The following A1CF variants were observed in gnomAD, a reference collection of about 807,000 sequenced individuals.
The protein encoded by A1CF is APOBEC-1 stimulating protein.
A1CF carries 48 observed loss-of-function variants against 68.9 expected under a neutral mutation model. The ratio of observed to expected loss-of-function variants is 0.70; its 90% confidence interval spans 0.55 to 0.89. The LOEUF is 0.89. A1CF is among the 40% of genes least tolerant of loss of function. The pLI is 0.00. For missense variants in A1CF, 653 were observed against 718.9 expected (o/e 0.91, Z 1.05); for synonymous variants, 272 against 260.4 (o/e 1.04, Z -0.43).
chr10:50,831,898 A>C lies in A1CF; in HGVS notation c.605-3603T>G, dbSNP rs377273498. On this transcript the variant is annotated intron_variant, in intron 6 of 12. Transcript: ENST00000373997. ...CCTCACACCTGGTAGAATGGCCATT[A>C]TCAAAAAGATCAAAGATGATGTTGG... 3.5e-4 allele frequency among the ~76,000 whole-genome samples: 53 copies of C among 152,328 alleles called. 2 individuals carry two copies. In the South Asian group the frequency reaches 9.9e-3, roughly 29 times the overall value.
At chr10:50,876,472 T>C (rs1048849468) in intron 1 of A1CF, among the ~76,000 whole-genome samples, 2 of 152,214 alleles carry the variant, frequency 1.3e-5, no homozygotes, top group African/African-American at 4.8e-5. Context: ...TGGAAAATTT[T>C]AACAGCAGAT....
chr10:50,828,210 C>T lies in A1CF; in HGVS notation c.690G>A (p.Val230=), dbSNP rs1374304057. ...TAAGATTTCTTACATATAGGATTTT[C>T]ACTGAAGACATTGTATCTTCATCAA... ...VEVDEDTMSS[V]KILYVRNLML... is the part of the protein sequence containing the mutation. The change falls in exon 7 of 13, where the codon GTG becomes GTA. Residue 230 remains valine, a synonymous_variant. Transcript: ENST00000373997. 1 of 1,609,096 alleles carries T rather than the reference C, an allele frequency of 6.2e-7. No individual in the cohort carries two copies. The highest frequency in any genetic ancestry group is 8.5e-7 in the Non-Finnish European group (1 of 1,176,428).
intron 12 of A1CF, among the ~76,000 whole-genome samples, chr10:50,807,502 C>A (rs760907089): frequency 4.6e-5 from 7 of 152,152 alleles, no homozygotes; most frequent in Non-Finnish European, 1.0e-4. Context: ...CACCTTCTTA[C>A]CTCCCAAGCC....
intron 7 of A1CF, among the ~76,000 whole-genome samples, chr10:50,826,168 G>A (rs961035163): frequency 5.9e-5 from 9 of 151,964 alleles, no homozygotes; most frequent in Admixed American, 6.6e-5. Context: ...TGAAGATGGA[G>A]GAAACAATAA....
intron 2 of A1CF, among the ~76,000 whole-genome samples, chr10:50,861,685 C>A (rs886897501): frequency 4.8e-5 from 7 of 146,794 alleles, no homozygotes; most frequent in African/African-American, 1.7e-4. Context: ...GTAGTAATAC[C>A]AATATAGTAA....
chr10:50,881,853 A>G (rs187228117), intron 1 of A1CF, among the ~76,000 whole-genome samples: 1 of 152,214 alleles, frequency 6.6e-6, no homozygotes, highest in Admixed American at 6.5e-5. Context: ...TTCTCTCTTA[A>G]TATTACCAGG....
At chr10:50,863,259 GGAGT>G (rs1840828187) in intron 2 of A1CF, among the ~76,000 whole-genome samples, 1 of 152,142 alleles carries the variant, frequency 6.6e-6, no homozygotes, top group Admixed American at 6.6e-5. Context: ...CCTAGTCTAA[GGAGT>G]GAACTCGAAT....
intron 1 of A1CF, among the ~76,000 whole-genome samples, chr10:50,873,636 A>C (rs1008590625): frequency 1.3e-5 from 2 of 152,230 alleles, no homozygotes; most frequent in Non-Finnish European, 2.9e-5. Flanking sequence ...GCAAGATATT[A>C]AATGTTGTAG....
Position 50,857,357 on chromosome 10 carries a change from T to C in A1CF, c.99+2485A>G, listed in dbSNP as rs1330363287. ...CTGTTTTGAAATATGTAATAAATTA[T>C]CATTAACTCTAGCCTCTGATTTAGG... On this transcript the variant is annotated intron_variant, in intron 3 of 12. Coordinates refer to ENST00000373997, the MANE Select transcript of A1CF (RefSeq NM_014576.4). Among the ~76,000 whole-genome samples, 3 of 152,132 alleles carry C rather than the reference T, an allele frequency of 2.0e-5. No individual in the cohort carries two copies. The East Asian group carries it at 5.8e-4, about 29-fold the overall frequency.
At chr10:50,831,655 G>C (rs895313020) in intron 6 of A1CF, among the ~76,000 whole-genome samples, 1 of 152,204 alleles carries the variant, frequency 6.6e-6, no homozygotes, top group African/African-American at 2.4e-5. Flanking sequence ...TTGAACCCGG[G>C]AGGCAGAGGT....
intron 6 of A1CF, among the ~76,000 whole-genome samples, chr10:50,833,615 T>C (rs1160339120): frequency 6.6e-6 from 1 of 152,232 alleles, no homozygotes; most frequent in Non-Finnish European, 1.5e-5. Context: ...TCTTGTTGTC[T>C]TCACTTATCA....
chr10:50,800,904 G>T lies in A1CF; in HGVS notation c.*5825C>A, dbSNP rs1395745908. The T allele has an allele frequency of 6.6e-6, 1 of 152,130 alleles. No individual in the cohort carries two copies. The highest frequency in any genetic ancestry group is 6.5e-5 in the Admixed American group (1 of 15,268). 9.4% of individuals were successfully genotyped at this position (152,130 alleles called of 1,614,324 possible). Reference sequence around the variant, plus strand: ...AAATTTGTGAAGCAGAAGGAAAAAAGGCAATATCCTTTTTAAGGTGAAGGT... The same window carrying T: ...AAATTTGTGAAGCAGAAGGAAAAAATGCAATATCCTTTTTAAGGTGAAGGT... On this transcript the variant is annotated 3_prime_UTR_variant, in exon 13 of 13. Transcript: ENST00000373997.
intron 1 of A1CF, among the ~76,000 whole-genome samples, chr10:50,877,868 A>AT (rs1274508097): frequency 3.3e-5 from 5 of 152,332 alleles, no homozygotes; most frequent in Non-Finnish European, 5.9e-5. Context: ...CACGCCTGTA[A>AT]TCCCCCCACT....
intron 1 of A1CF, among the ~76,000 whole-genome samples, chr10:50,871,750 C>T (rs1841277910): frequency 6.6e-6 from 1 of 152,018 alleles, no homozygotes; most frequent in African/African-American, 2.4e-5. Context: ...GTGGGCATAT[C>T]ACCTCATAAC....
At chr10:50,828,024 A>AGGTGTTTATAGATTTCTT in intron 7 of A1CF, 107 bp downstream of exon 7, 1 of 803,030 alleles carries the variant, frequency 1.2e-6, no homozygotes, top group South Asian at 3.1e-5. Context: ...ATGCAAATAA[A>AGGTGTTTATAGATTTCTT]CTAGAAATCT....
intron 12 of A1CF, 59 bp downstream of exon 12, chr10:50,809,835 A>G: frequency 1.2e-6 from 2 of 1,601,474 alleles, no homozygotes; most frequent in East Asian, 2.2e-5. Flanking sequence ...AATGGTACCA[A>G]AAAAGGGTTT....
At chr10:50,849,000 G>A (rs116992013) in intron 3 of A1CF, among the ~76,000 whole-genome samples, 56 of 152,142 alleles carry the variant, frequency 3.7e-4, no homozygotes, top group Non-Finnish European at 4.7e-4. Flanking sequence ...TTTCCTAGTT[G>A]TTGATTTGTG....
chr10:50,811,749 TG>T, intron 10 of A1CF, among the ~76,000 whole-genome samples: 1 of 152,334 alleles, frequency 6.6e-6, no homozygotes, highest in South Asian at 2.1e-4. Flanking sequence ...CTGCCTTTTT[TG>T]TTTGTTTGTT....
chr10:50,807,349 C>G (rs1055981011), intron 12 of A1CF, among the ~76,000 whole-genome samples: 4 of 152,156 alleles, frequency 2.6e-5, no homozygotes, highest in Non-Finnish European at 5.9e-5. Context: ...ACATTTAAAA[C>G]ATTTGCCTTT....
Sources: allele counts gnomAD v4.1 joint callset (sites outside exome capture counted in the v4.1 genomes callset), GRCh38; gene constraint gnomAD v4.1.1; transcripts MANE v1.5; gene names NCBI Gene and HGNC (gene_info 2026-07-23, HGNC 2026-07-21).